ZFPM2: variants seen among roughly 807,000 people sequenced by gnomAD.
The protein encoded by ZFPM2 is zinc finger protein ZFPM2.
In ZFPM2, 20 loss-of-function variants were observed where a neutral mutation model predicts 98.6. The ratio of observed to expected loss-of-function variants is 0.20; its 90% CI spans 0.14 to 0.29. The LOEUF (loss-of-function observed/expected upper bound fraction) is 0.29, where lower values mean the gene tolerates loss of function less well. Ranked by LOEUF, ZFPM2 falls within the 10% of genes least tolerant of loss-of-function variation. The pLI is 1.00. For missense variants in ZFPM2, 1,310 were observed against 1,388.6 expected (o/e 0.94, Z 0.90); for synonymous variants, 518 against 502.7 (o/e 1.03, Z -0.41).
chr8:105,741,009 G>A (rs1449589825), intron 5 of ZFPM2, among the ~76,000 whole-genome samples: 6 of 152,138 alleles, frequency 3.9e-5, no homozygotes, highest in East Asian at 1.9e-4. Flanking sequence ...AGAGGCAGCC[G>A]TGTATTGGTG....
At chr8:105,595,752 A>G (rs13256018) in intron 4 of ZFPM2, among the ~76,000 whole-genome samples, 12 of 151,828 alleles carry the variant, frequency 7.9e-5, no homozygotes, top group African/African-American at 2.7e-4. Context: ...AATATCGTGA[A>G]TTTTTTTGCC....
At chr8:105,358,470 A>G (rs1031187274) in intron 1 of ZFPM2, 6 of 152,280 alleles carry the variant, frequency 3.9e-5, no homozygotes, top group African/African-American at 1.4e-4. Flanking sequence ...ATCAGAGACA[A>G]TGATGGCAGT....
chr8:105,417,411 A>G (rs562821284), intron 1 of ZFPM2, among the ~76,000 whole-genome samples: 2 of 152,290 alleles, frequency 1.3e-5, no homozygotes, highest in African/African-American at 2.4e-5. Flanking sequence ...AAATAAAAAA[A>G]TAGAAAGTGC....
intron 5 of ZFPM2, among the ~76,000 whole-genome samples, chr8:105,745,991 C>G (rs998893701): frequency 6.6e-6 from 1 of 152,056 alleles, no homozygotes. Flanking sequence ...AGGCTGGTCT[C>G]AAACTCCTGG....
chr8:105,388,471 T>TG (rs1214773715), intron 1 of ZFPM2, among the ~76,000 whole-genome samples: 1 of 152,106 alleles, frequency 6.6e-6, no homozygotes, highest in Non-Finnish European at 1.5e-5. Context: ...AGCATGTGGG[T>TG]GGGAGGATTC....
intron 3 of ZFPM2, among the ~76,000 whole-genome samples, chr8:105,480,394 T>C (rs1813091086): frequency 6.6e-6 from 1 of 152,346 alleles, no homozygotes; most frequent in South Asian, 2.1e-4. Context: ...TAACTGAGCC[T>C]ACAAATATAA....
chr8:105,417,817 A>G (rs1811708722), intron 1 of ZFPM2, among the ~76,000 whole-genome samples: 1 of 152,182 alleles, frequency 6.6e-6, no homozygotes, highest in African/African-American at 2.4e-5. Flanking sequence ...ATAAAACACG[A>G]TATGACCAGA....
intron 5 of ZFPM2, among the ~76,000 whole-genome samples, chr8:105,723,477 G>T (rs1489855522): frequency 2.0e-5 from 3 of 151,796 alleles, no homozygotes; most frequent in Non-Finnish European, 4.4e-5. Context: ...AACAATTCTG[G>T]TGTTGAACTA....
chr8:105,767,839 C>A (rs984806298), intron 5 of ZFPM2, among the ~76,000 whole-genome samples: 2 of 151,832 alleles, frequency 1.3e-5, no homozygotes, highest in Non-Finnish European at 2.9e-5. Flanking sequence ...CAAAATCATT[C>A]AAGGGTTTCC....
In ZFPM2 at chr8:105,376,198, C is replaced by T. The variant is rs542010170; in HGVS notation, c.41-42946C>T. 5.9e-5 allele frequency among the ~76,000 whole-genome samples: 9 copies of T among 152,168 alleles called. 1 individual carries two copies. Among genetic ancestry groups the T allele is most frequent in the Admixed American group, 1.3e-4 (2 of 15,276 alleles). The stretch of plus-strand genomic sequence containing the variant: ...ATCATTCAGCAAAGTTGACTACTCC[C>T]TCCTTCTTGAAGCACGTTCTTCTCT... On this transcript the variant is annotated intron_variant, in intron 1 of 7. Coordinates refer to ENST00000407775, the MANE Select transcript of ZFPM2 (RefSeq NM_012082.4).
intron 1 of ZFPM2, among the ~76,000 whole-genome samples, chr8:105,403,411 A>G (rs1179395776): frequency 6.6e-6 from 1 of 151,796 alleles, no homozygotes. Context: ...CACTAATTCA[A>G]TTTTTCTGCA....
intron 3 of ZFPM2, among the ~76,000 whole-genome samples, chr8:105,547,597 ATACTT>A (rs1814741956): frequency 6.6e-6 from 1 of 150,822 alleles, no homozygotes; most frequent in Admixed American, 6.6e-5. Context: ...AAAGAAAGCT[ATACTT>A]TAAATTCGTG....
intron 1 of ZFPM2, among the ~76,000 whole-genome samples, chr8:105,396,211 A>AG (rs1462989885): frequency 6.6e-6 from 1 of 152,138 alleles, no homozygotes; most frequent in African/African-American, 2.4e-5. Flanking sequence ...GTGTGTGTTG[A>AG]GGGGGGTGGC....
chr8:105,404,963 G>A (rs1478351614), intron 1 of ZFPM2, among the ~76,000 whole-genome samples: 1 of 152,068 alleles, frequency 6.6e-6, no homozygotes, highest in East Asian at 1.9e-4. Flanking sequence ...ACCCTGCTAA[G>A]CATGATGAAA....
intron 3 of ZFPM2, among the ~76,000 whole-genome samples, chr8:105,469,462 T>G (rs1812856312): frequency 6.6e-6 from 1 of 152,204 alleles, no homozygotes; most frequent in Non-Finnish European, 1.5e-5. Flanking sequence ...CAGTTTCTTC[T>G]CTACCTGCCC....
intron 4 of ZFPM2, among the ~76,000 whole-genome samples, chr8:105,581,394 C>T (rs573275542): frequency 2.0e-4 from 30 of 152,190 alleles, no homozygotes; most frequent in East Asian, 3.9e-4. Flanking sequence ...AGATGCCTTT[C>T]GCAGTATCAT....
intron 5 of ZFPM2, among the ~76,000 whole-genome samples, chr8:105,699,634 A>G (rs188637317): frequency 1.3e-5 from 2 of 152,254 alleles, no homozygotes; most frequent in East Asian, 1.9e-4. Flanking sequence ...AATAATGGCA[A>G]TGATTCCACT....
chr8:105,413,995 G>A (rs930034827), intron 1 of ZFPM2, among the ~76,000 whole-genome samples: 3 of 151,904 alleles, frequency 2.0e-5, no homozygotes, highest in African/African-American at 7.2e-5. Flanking sequence ...ATATTTTAAT[G>A]TGACTTTCAT....
intron 5 of ZFPM2, among the ~76,000 whole-genome samples, chr8:105,731,526 A>G (rs963134889): frequency 1.3e-5 from 2 of 151,662 alleles, no homozygotes; most frequent in Non-Finnish European, 2.9e-5. Flanking sequence ...TCTACATGTA[A>G]GACATATTTG....
Sources: gnomAD v4.1 joint callset for allele counts (sites outside exome capture counted in the v4.1 genomes callset) on GRCh38, gnomAD v4.1.1 for gene constraint, MANE v1.5 for transcripts, NCBI Gene and HGNC (gene_info 2026-07-23, HGNC 2026-07-21) for gene names.